Variants in PCDH9 observed in about 807,000 individuals in gnomAD.
PCDH9 encodes protocadherin-9.
In PCDH9, 24 loss-of-function variants were observed where a neutral mutation model predicts 70.6. The ratio of observed to expected loss-of-function variants is 0.34; its 90% CI spans 0.25 to 0.48. PCDH9 has a LOEUF of 0.48. Among genes scored for constraint, PCDH9 ranks in the 20% least tolerant of loss-of-function variants. The pLI is 0.99. For missense variants in PCDH9, 1,281 were observed against 1,503.6 expected, an observed-to-expected ratio of 0.85 and a Z score of 2.45; for synonymous variants, 562 against 558.5, an observed-to-expected ratio of 1.01 and a Z score of -0.09.
At chr13:66,902,826 T>A (rs1190134012) in intron 3 of PCDH9, among the ~76,000 whole-genome samples, 1 of 151,370 alleles carries the variant, frequency 6.6e-6, no homozygotes, top group African/African-American at 2.4e-5. Context: ...TAAAAAAAAA[T>A]ACATGAAAGA....
At chr13:66,789,140 G>A (rs1047798252) in intron 3 of PCDH9, among the ~76,000 whole-genome samples, 4 of 152,106 alleles carry the variant, frequency 2.6e-5, no homozygotes, top group African/African-American at 9.7e-5. Context: ...GACGTTTATA[G>A]CTACTGTCTT....
chr13:66,952,175 C>T (rs143425404), intron 2 of PCDH9, among the ~76,000 whole-genome samples: 100 of 152,280 alleles, frequency 6.6e-4, no homozygotes, highest in Non-Finnish European at 9.1e-4. Context: ...TGACAGCACA[C>T]TGTAGGGTAC....
chr13:67,017,268 C>A (rs1383696038), intron 2 of PCDH9, among the ~76,000 whole-genome samples: 2 of 152,110 alleles, frequency 1.3e-5, no homozygotes, highest in Non-Finnish European at 1.5e-5. Context: ...TATGTATAAA[C>A]CAAAAATGCA....
At position 66,897,853 on chromosome 13, in the gene PCDH9, C is replaced by T. The variant is rs978591356; in HGVS notation, c.3138+5651G>A. ...TATTAAGTGCAAAGATTCCTAAATG[C>T]TATTTGGAATTGTAGCCAGAAATTG... On this transcript the variant is annotated intron_variant, in intron 3 of 4. Transcript: ENST00000377865. Among the ~76,000 whole-genome samples the T allele has an allele frequency of 1.2e-4, 18 of 152,108 alleles. No homozygotes were observed. In the East Asian group the frequency reaches 3.5e-3, roughly 29 times the overall value.
Position 67,228,562 on chromosome 13 carries a change from T to C in PCDH9, c.-122A>G. ...AGGATGCATTATATCTCATCACTTATTTGGAGACAGCCGCTGTCAACACAA... is the reference window on the plus strand; with the variant it reads ...AGGATGCATTATATCTCATCACTTACTTGGAGACAGCCGCTGTCAACACAA... On this transcript the variant is annotated 5_prime_UTR_variant, in exon 2 of 5. Coordinates refer to ENST00000377865, the MANE Select transcript of PCDH9 (RefSeq NM_203487.3). The C allele has an allele frequency of 1.4e-6, 1 of 708,432 alleles. No homozygotes were observed. Among genetic ancestry groups the C allele is most frequent in the Admixed American group, 3.5e-5 (1 of 28,494 alleles). 43.9% of individuals were successfully genotyped at this position (708,432 alleles called of 1,614,324 possible). A position where few individuals can be genotyped will look rare whatever the true frequency, so the allele number is the denominator to read the frequency against.
chr13:66,627,488 G>T (rs992236243), intron 4 of PCDH9, among the ~76,000 whole-genome samples: 1 of 151,982 alleles, frequency 6.6e-6, no homozygotes, highest in African/African-American at 2.4e-5. Context: ...ATATTTCTAG[G>T]CCATTCTAAT....
Position 67,179,009 on chromosome 13 carries a change from A to G in PCDH9, c.3036+46396T>C, listed in dbSNP as rs2088542399. Reference sequence around the variant, plus strand: ...TACTGTAAAGTCCATGAGGACAAAAATGTTAAATATAAACTTGTGCATTTA... The same window carrying G: ...TACTGTAAAGTCCATGAGGACAAAAGTGTTAAATATAAACTTGTGCATTTA... On this transcript the variant is annotated intron_variant, in intron 2 of 4. Coordinates refer to ENST00000377865, the MANE Select transcript of PCDH9 (RefSeq NM_203487.3). 1.3e-5 allele frequency among the ~76,000 whole-genome samples: 2 copies of G among 152,114 alleles called. 1 individual carries two copies. Among genetic ancestry groups the G allele is most frequent in the South Asian group, 4.1e-4 (2 of 4,834 alleles).
chr13:67,029,405 C>T (rs1275421696), intron 2 of PCDH9, among the ~76,000 whole-genome samples: 2 of 152,160 alleles, frequency 1.3e-5, no homozygotes, highest in African/African-American at 4.8e-5. Context: ...TATATACACT[C>T]TTATGCAGGC....
At chr13:66,496,492 C>T (rs1959120322) in intron 4 of PCDH9, among the ~76,000 whole-genome samples, 1 of 152,174 alleles carries the variant, frequency 6.6e-6, no homozygotes, top group South Asian at 2.1e-4. Context: ...TTACTTCAAA[C>T]ATGACATGTA....
intron 2 of PCDH9, among the ~76,000 whole-genome samples, chr13:67,156,489 G>A (rs146331393): frequency 3.2e-4 from 49 of 152,038 alleles, no homozygotes; most frequent in Non-Finnish European, 4.4e-4. Context: ...GGGATGAGGC[G>A]GAGTTTGGTG....
intron 4 of PCDH9, among the ~76,000 whole-genome samples, chr13:66,434,861 AG>A (rs1482521606): frequency 1.3e-5 from 2 of 152,128 alleles, no homozygotes; most frequent in African/African-American, 4.8e-5. Flanking sequence ...GAAACAAAAA[AG>A]TGATGTAGAA....
chr13:66,721,804 A>C (rs991351634), intron 3 of PCDH9, among the ~76,000 whole-genome samples: 7 of 152,104 alleles, frequency 4.6e-5, no homozygotes, highest in Non-Finnish European at 7.4e-5. Flanking sequence ...AACACATTGA[A>C]TCCTGTATCT....
intron 4 of PCDH9, among the ~76,000 whole-genome samples, chr13:66,532,758 A>T (rs2138636713): frequency 6.6e-6 from 1 of 152,130 alleles, no homozygotes; most frequent in South Asian, 2.1e-4. Flanking sequence ...GCAGATGTCA[A>T]GATTAATTTT....
chr13:66,807,257 A>G (rs530535828), intron 3 of PCDH9, among the ~76,000 whole-genome samples: 1 of 152,230 alleles, frequency 6.6e-6, no homozygotes, highest in South Asian at 2.1e-4. Flanking sequence ...TTCACCTAAA[A>G]CATACATCAT....
intron 4 of PCDH9, among the ~76,000 whole-genome samples, chr13:66,434,669 T>C (rs1038669559): frequency 6.6e-6 from 1 of 152,034 alleles, no homozygotes; most frequent in African/African-American, 2.4e-5. Context: ...AATATATGTA[T>C]GTTTGTAAGC....
chr13:66,508,163 G>C (rs1376710956), intron 4 of PCDH9, among the ~76,000 whole-genome samples: 1 of 152,058 alleles, frequency 6.6e-6, no homozygotes, highest in Non-Finnish European at 1.5e-5. Context: ...CTAAATAACT[G>C]TTTATCTAAA....
rs1045000488 is a variant in PCDH9 at position 66,595,036 on chromosome 13, C to G, written c.3340+36174G>C. On this transcript the variant is annotated intron_variant, in intron 4 of 4. Coordinates refer to ENST00000377865, the MANE Select transcript of PCDH9 (RefSeq NM_203487.3). The stretch of plus-strand genomic sequence containing the variant: ...AAATCCTAAGTCCTTTTTCTTTTCC[C>G]TCTCTAAAATAAGTGCACACACACA... Among the ~76,000 whole-genome samples the G allele has an allele frequency of 3.3e-5, 5 of 150,780 alleles. 1 individual carries two copies. Among genetic ancestry groups the G allele is most frequent in the Admixed American group, 3.3e-4 (5 of 15,104 alleles).
chr13:66,849,517 T>TATATAGAGAGAG lies in PCDH9; in HGVS notation c.3138+53986_3138+53987insCTCTCTCTATAT, dbSNP rs1272589939. Among the ~76,000 whole-genome samples, 278 of 63,534 alleles carry TATATAGAGAGAG rather than the reference T, an allele frequency of 4.4e-3. 1 individual carries two copies. Among genetic ancestry groups the TATATAGAGAGAG allele is most frequent in the Non-Finnish European group, 5.9e-3 (229 of 38,598 alleles). 41.7% of individuals were successfully genotyped at this position (63,534 alleles called of 152,430 possible). ...ATATATATATATATATATATATATA[T>TATATAGAGAGAG]AGAGAGAGAGAGAGAGAGAGAGAGA... On this transcript the variant is annotated intron_variant, in intron 3 of 4. Coordinates refer to ENST00000377865, the MANE Select transcript of PCDH9 (RefSeq NM_203487.3).
At chr13:66,499,712 ATGTT>A (rs1371686071) in intron 4 of PCDH9, among the ~76,000 whole-genome samples, 1 of 152,210 alleles carries the variant, frequency 6.6e-6, no homozygotes, top group Non-Finnish European at 1.5e-5. Context: ...TATAGGTTGA[ATGTT>A]TGTCCCCTCA....
Sources: gnomAD v4.1 joint callset for allele counts (sites outside exome capture counted in the v4.1 genomes callset) on GRCh38, gnomAD v4.1.1 for gene constraint, MANE v1.5 for transcripts, NCBI Gene and HGNC (gene_info 2026-07-23, HGNC 2026-07-21) for gene names.